The following SMYD3 variants were observed in gnomAD, a reference collection of about 807,000 sequenced individuals.
SMYD3 encodes the protein histone-lysine N-methyltransferase SMYD3.
In SMYD3, 36 loss-of-function variants were observed where a neutral mutation model predicts 57.7. The observed-to-expected ratio is 0.62, with a 90% CI of 0.48 to 0.82. SMYD3 has a LOEUF of 0.82. Among genes scored for constraint, SMYD3 ranks in the 40% least tolerant of loss-of-function variants. The pLI is 0.00. For missense variants in SMYD3, 515 were observed against 538.8 expected, an observed-to-expected ratio of 0.96 and a Z score of 0.44; for synonymous variants, 211 against 195.0, an observed-to-expected ratio of 1.08 and a Z score of -0.68.
chr1:246,104,486 A>G (rs79836891), intron 5 of SMYD3, among the ~76,000 whole-genome samples: 5,669 of 152,300 alleles, frequency 0.037, 225 homozygotes, highest in East Asian at 0.15. Flanking sequence ...CTGATCCATC[A>G]AAATGCAGGC....
chr1:245,756,662 A>C (rs2045617751), intron 11 of SMYD3, among the ~76,000 whole-genome samples: 1 of 152,000 alleles, frequency 6.6e-6, no homozygotes, highest in African/African-American at 2.4e-5. Flanking sequence ...TTGGGTTAAC[A>C]GTTCTTTTCT....
chr1:246,462,253 A>C (rs1452827658), intron 1 of SMYD3, among the ~76,000 whole-genome samples: 1 of 81,530 alleles, frequency 1.2e-5, no homozygotes, highest in Non-Finnish European at 2.9e-5. Flanking sequence ...TGCTGGGTAC[A>C]GTGCATCCTC....
chr1:246,402,173 C>T (rs1413069315), intron 1 of SMYD3, among the ~76,000 whole-genome samples: 1 of 151,942 alleles, frequency 6.6e-6, no homozygotes. Flanking sequence ...ATCACAGAAA[C>T]ATCAATTCAA....
chr1:246,316,434 G>A (rs372399646), intron 5 of SMYD3, among the ~76,000 whole-genome samples: 38 of 148,934 alleles, frequency 2.6e-4, no homozygotes, highest in African/African-American at 9.4e-4. Flanking sequence ...ATCTCAGCTC[G>A]CTGCAACCTC....
At chr1:245,971,348 G>A (rs2058296196) in intron 5 of SMYD3, among the ~76,000 whole-genome samples, 1 of 152,100 alleles carries the variant, frequency 6.6e-6, no homozygotes, top group Admixed American at 6.6e-5. Context: ...TAATGTAGAT[G>A]ACGGGTTGAT....
chr1:246,134,076 T>C (rs986610750), intron 5 of SMYD3, among the ~76,000 whole-genome samples: 1 of 152,138 alleles, frequency 6.6e-6, no homozygotes, highest in Non-Finnish European at 1.5e-5. Flanking sequence ...TCAGATAAGA[T>C]GACATTTTAA....
intron 5 of SMYD3, among the ~76,000 whole-genome samples, chr1:246,174,528 C>T (rs1405798426): frequency 1.3e-5 from 2 of 152,174 alleles, no homozygotes; most frequent in Non-Finnish European, 2.9e-5. Context: ...CCCACTGCAG[C>T]CTCTGCCTCC....
intron 10 of SMYD3, among the ~76,000 whole-genome samples, chr1:245,831,077 C>G (rs1194089918): frequency 1.3e-5 from 2 of 152,168 alleles, no homozygotes; most frequent in African/African-American, 2.4e-5. Flanking sequence ...CCCAAGTAAA[C>G]AGCATTTGGA....
intron 8 of SMYD3, among the ~76,000 whole-genome samples, chr1:245,914,253 A>C (rs532719323): frequency 1.3e-5 from 2 of 152,360 alleles, no homozygotes; most frequent in African/African-American, 4.8e-5. Context: ...CATACAATCT[A>C]GCAATTACAG....
intron 2 of SMYD3, among the ~76,000 whole-genome samples, chr1:246,347,822 A>T (rs1051333910): frequency 6.6e-6 from 1 of 151,908 alleles, no homozygotes; most frequent in Non-Finnish European, 1.5e-5. Flanking sequence ...TCACTTATAC[A>T]CTGATGGTGG....
intron 9 of SMYD3, among the ~76,000 whole-genome samples, chr1:245,862,878 C>T (rs2051629992): frequency 1.3e-5 from 2 of 152,136 alleles, no homozygotes; most frequent in South Asian, 4.1e-4. Flanking sequence ...CCTTAGTAAC[C>T]AATCCTAGAT....
Position 245,774,780 on chromosome 1 carries a change from C to T in SMYD3, c.1077-10631G>A, listed in dbSNP as rs145316339. Among the ~76,000 whole-genome samples, 432 of 135,032 alleles carry T rather than the reference C, an allele frequency of 3.2e-3. 1 individual carries two copies. The highest frequency in any genetic ancestry group is 5.0e-3 in the Non-Finnish European group (317 of 63,604). 88.6% of individuals were successfully genotyped at this position (135,032 alleles called of 152,430 possible). ...AAGCTGGACTGTACTGCTGCCATCT[C>T]GGCTCACTGCAACCTCCCTGCCTGA... On this transcript the variant is annotated intron_variant, in intron 10 of 11. Transcript: ENST00000490107.
At chr1:245,806,886 C>T (rs1453602157) in intron 10 of SMYD3, among the ~76,000 whole-genome samples, 5 of 122,080 alleles carry the variant, frequency 4.1e-5, no homozygotes, top group South Asian at 2.8e-4. Flanking sequence ...GTCCGCAATC[C>T]GGCCTGGGCG....
rs181297910 is a variant in SMYD3 at position 246,406,830 on chromosome 1, G to A, written c.165-51736C>T. Among the ~76,000 whole-genome samples the A allele has an allele frequency of 3.9e-3, 587 of 152,304 alleles. 1 individual carries two copies. The highest frequency in any genetic ancestry group is 0.013 in the African/African-American group (551 of 41,572). ...CACAGCCATCGTGCAAAATTGCTTC[G>A]ATATGCAGCAGTCCTCCCTTCAAAA... On this transcript the variant is annotated intron_variant, in intron 1 of 11. Transcript: ENST00000490107.
At chr1:245,887,500 GTGAGATCCAAGA>G (rs2053153027) in intron 8 of SMYD3, among the ~76,000 whole-genome samples, 1 of 152,076 alleles carries the variant, frequency 6.6e-6, no homozygotes, top group African/African-American at 2.4e-5. Flanking sequence ...TCTTTCTTGT[GTGAGATCCAAGA>G]ACCTTCTCTT....
intron 5 of SMYD3, among the ~76,000 whole-genome samples, chr1:246,024,377 G>C (rs369482192): frequency 4.8e-4 from 54 of 112,804 alleles, no homozygotes; most frequent in East Asian, 8.0e-4. Context: ...TCTAGGAAGG[G>C]AGATACAGGA....
intron 1 of SMYD3, among the ~76,000 whole-genome samples, chr1:246,403,224 G>A (rs2066801414): frequency 6.6e-6 from 1 of 152,156 alleles, no homozygotes; most frequent in Non-Finnish European, 1.5e-5. Context: ...GCCAGGTGCA[G>A]TGGTTCAGCC....
At chr1:245,759,113 G>C (rs142303391) in intron 11 of SMYD3, among the ~76,000 whole-genome samples, 3 of 152,116 alleles carry the variant, frequency 2.0e-5, no homozygotes, top group Non-Finnish European at 4.4e-5. Flanking sequence ...CTTAATCACT[G>C]TGTTTGCATT....
chr1:246,104,066 A>T (rs116047649), intron 5 of SMYD3, among the ~76,000 whole-genome samples: 1 of 152,200 alleles, frequency 6.6e-6, no homozygotes, highest in Non-Finnish European at 1.5e-5. Context: ...ACAAACTATT[A>T]GTTCTAGCTC....
Sources: allele counts gnomAD v4.1 joint callset (sites outside exome capture counted in the v4.1 genomes callset), GRCh38; gene constraint gnomAD v4.1.1; transcripts MANE v1.5; gene names NCBI Gene and HGNC (gene_info 2026-07-23, HGNC 2026-07-21).